The following POLD3 variants were observed in gnomAD, a reference collection of about 807,000 sequenced individuals.
POLD3 encodes the protein DNA polymerase delta 3, accessory subunit.
In POLD3, 19 loss-of-function variants were observed where a neutral mutation model predicts 58.2. The observed-to-expected ratio is 0.33, with a 90% CI of 0.23 to 0.48. POLD3 has a LOEUF of 0.48. POLD3 is among the 20% of genes least tolerant of loss of function. The pLI is 0.99. For synonymous variants in POLD3, 172 were observed against 193.5 expected (o/e 0.89, Z 0.92); for missense variants, 504 against 545.5 (o/e 0.92, Z 0.76).
intron 5 of POLD3, among the ~76,000 whole-genome samples, chr11:74,616,047 T>C (rs534821122): frequency 9.9e-5 from 15 of 152,188 alleles, no homozygotes; most frequent in Non-Finnish European, 1.9e-4. Flanking sequence ...AATATATTAC[T>C]AGATTTCAAA....
At chr11:74,661,171 GTC>G (rs2033202765) in intron 4 of POLD3, among the ~76,000 whole-genome samples, 1 of 152,006 alleles carries the variant, frequency 6.6e-6, no homozygotes, top group South Asian at 2.1e-4. Flanking sequence ...AAGGTTATAT[GTC>G]TCTGTTTCTC....
rs189910138 is a variant in POLD3, at chr11:74,600,049, A to C, written c.117-4643A>C. Among the ~76,000 whole-genome samples, 418 of 151,550 alleles carry C rather than the reference A, an allele frequency of 2.8e-3. 2 individuals are homozygous for C. The highest frequency in any genetic ancestry group is 0.01 in the Middle Eastern group (3 of 294). ...CAACCTCCGCCTTTAGAATTCAAGC[A>C]ATTCTCCTGCCTCAGCCTCCCGAGT... is the stretch of plus-strand genomic sequence containing the variant. On this transcript the variant is annotated intron_variant, in intron 2 of 11. Coordinates refer to ENST00000263681, the MANE Select transcript of POLD3 (RefSeq NM_006591.3).
At chr11:74,607,577 T>A (rs529656300) in intron 3 of POLD3, among the ~76,000 whole-genome samples, 10 of 151,704 alleles carry the variant, frequency 6.6e-5, no homozygotes, top group Non-Finnish European at 8.8e-5. Context: ...TATTTTTATT[T>A]TTTATTTATT....
At chr11:74,618,501 G>C (rs1458222326) in intron 5 of POLD3, 36 bp from the exon 6 acceptor site, 6 of 1,516,376 alleles carry the variant, frequency 4.0e-6, no homozygotes, top group Non-Finnish European at 5.4e-6. Context: ...GAATGCATAT[G>C]CTGACATTAA....
intron 11 of POLD3, among the ~76,000 whole-genome samples, chr11:74,636,547 A>G (rs757451637): frequency 1.3e-5 from 2 of 152,226 alleles, no homozygotes; most frequent in Non-Finnish European, 2.9e-5. Flanking sequence ...TTTCTTATCT[A>G]TGGAATATCT....
intron 5 of POLD3, among the ~76,000 whole-genome samples, chr11:74,617,623 A>G (rs936809427): frequency 3.3e-5 from 5 of 152,090 alleles, no homozygotes; most frequent in Non-Finnish European, 7.4e-5. Context: ...GCTGGTCTTG[A>G]ACTCCTGACC....
Position 74,640,868 on chromosome 11 carries a change from C to T in POLD3, c.*102C>T. On this transcript the variant is annotated 3_prime_UTR_variant, in exon 12 of 12. Coordinates refer to ENST00000263681, the MANE Select transcript of POLD3 (RefSeq NM_006591.3). ...TAAGTTCATCTAGATCTCCACCTCACCTGTATCAAAAGACTGTTCTTTCAT... is the reference window on the plus strand; with the variant it reads ...TAAGTTCATCTAGATCTCCACCTCATCTGTATCAAAAGACTGTTCTTTCAT... 7.3e-7 allele frequency: 1 copy of T among 1,366,908 alleles called. No individual in the cohort carries two copies. Among genetic ancestry groups the T allele is most frequent in the Admixed American group, 3.5e-5 (1 of 28,916 alleles). 84.7% of individuals were successfully genotyped at this position (1,366,908 alleles called of 1,614,324 possible).
At chr11:74,611,371 A>G (rs1297043757) in intron 3 of POLD3, 128 bp from the exon 4 acceptor site, 1 of 614,986 alleles carries the variant, frequency 1.6e-6, no homozygotes, top group African/African-American at 1.9e-5. Context: ...TTAAATTATA[A>G]CATATGTTTT....
chr11:74,594,843 G>A (rs758661259), intron 2 of POLD3, among the ~76,000 whole-genome samples: 1 of 152,100 alleles, frequency 6.6e-6, no homozygotes, highest in East Asian at 1.9e-4. Flanking sequence ...TTGTAAAACC[G>A]TCAGATTTCG....
At chr11:74,596,764 C>T (rs540522154) in intron 2 of POLD3, among the ~76,000 whole-genome samples, 2 of 152,276 alleles carry the variant, frequency 1.3e-5, no homozygotes, top group East Asian at 1.9e-4. Context: ...CCCCATTCCC[C>T]CTCCCCTAAC....
intron 3 of POLD3, among the ~76,000 whole-genome samples, chr11:74,610,632 G>GT (rs150765015): frequency 0.13 from 18,705 of 148,196 alleles, 1,451 homozygotes; most frequent in African/African-American, 0.23. Flanking sequence ...TTGTACTTAC[G>GT]TTTTTTTTTC....
downstream of POLD3, among the ~76,000 whole-genome samples, chr11:74,644,374 C>T (rs551290837): frequency 1.3e-5 from 2 of 152,270 alleles, no homozygotes; most frequent in South Asian, 4.1e-4. Flanking sequence ...TTGGGGCTGC[C>T]TCGTTTTGTT....
chr11:74,655,177 G>A (rs1012364441), intron 4 of POLD3, among the ~76,000 whole-genome samples: 1 of 152,250 alleles, frequency 6.6e-6, no homozygotes, highest in Non-Finnish European at 1.5e-5. Context: ...CTGGCTCAAG[G>A]TATTTGAGCA....
intron 1 of POLD3, 129 bp from the exon 2 acceptor site, chr11:74,593,932 A>G (rs2031127707): frequency 1.7e-6 from 1 of 591,606 alleles, no homozygotes; most frequent in Admixed American, 3.3e-5. Context: ...GGAAAACTGC[A>G]GTGGCATTTA....
intron 4 of POLD3, among the ~76,000 whole-genome samples, chr11:74,655,401 A>G (rs1427311460): frequency 6.6e-6 from 1 of 152,284 alleles, no homozygotes; most frequent in Non-Finnish European, 1.5e-5. Flanking sequence ...GTCAGATTTC[A>G]TAATTGCTAG....
In POLD3 at chr11:74,648,093, A is replaced by G. The variant is rs142450972; in HGVS notation, c.369+11818A>G. Among the ~76,000 whole-genome samples the G allele has an allele frequency of 3.5e-3, 538 of 152,332 alleles. 1 individual carries two copies. Among genetic ancestry groups the G allele is most frequent in the Non-Finnish European group, 6.5e-3 (442 of 68,028 alleles). On this transcript the variant is annotated intron_variant, in intron 4 of 4. Transcript: ENST00000524752. ...AAGTTAGAGAAACTAGTATATTTGAACGCTTGTGATTAGCAAACCTGCATG... is the reference window on the plus strand; with the variant it reads ...AAGTTAGAGAAACTAGTATATTTGAGCGCTTGTGATTAGCAAACCTGCATG...
At position 74,592,619 on chromosome 11, in the gene POLD3, T is replaced by G; in HGVS notation, c.-40T>G. ...CGCCGGCGGGAGCTGTGGCTGTGAT[T>G]GAGAGAGGGGTTAGAGGCGGGTCCC... On this transcript the variant is annotated 5_prime_UTR_variant, in exon 1 of 12. It adds an upstream start codon to the 5' untranslated region. Transcript: ENST00000263681. 1.2e-6 allele frequency: 2 copies of G among 1,611,314 alleles called. No individual in the cohort carries two copies. The highest frequency in any genetic ancestry group is 8.5e-7 in the Non-Finnish European group (1 of 1,178,558).
chr11:74,596,022 T>A (rs1412195233), intron 2 of POLD3, among the ~76,000 whole-genome samples: 1 of 122,040 alleles, frequency 8.2e-6, no homozygotes, highest in East Asian at 2.3e-4. Context: ...TAAATTTTTT[T>A]TAATCTTATT....
intron 4 of POLD3, among the ~76,000 whole-genome samples, chr11:74,659,162 A>G (rs761735941): frequency 3.7e-4 from 56 of 152,174 alleles, no homozygotes; most frequent in Non-Finnish European, 6.2e-4. Flanking sequence ...TCAACACCAC[A>G]TGGAAGCTGC....
Sources: gnomAD v4.1 joint callset for allele counts (sites outside exome capture counted in the v4.1 genomes callset) on GRCh38, gnomAD v4.1.1 for gene constraint, MANE v1.5 for transcripts, NCBI Gene and HGNC (gene_info 2026-07-23, HGNC 2026-07-21) for gene names.